Variants in CCDC149 observed in about 807,000 individuals in gnomAD.
CCDC149 encodes coiled-coil domain-containing protein 149.
Under a neutral mutation model 59.9 loss-of-function variants are expected in CCDC149, and 45 were observed. The observed-to-expected ratio is 0.75, with a 90% confidence interval of 0.59 to 0.96. The LOEUF (loss-of-function observed/expected upper bound fraction) is 0.96. Among genes scored for constraint, CCDC149 ranks in the 40% least tolerant of loss-of-function variants. The probability of loss-of-function intolerance (pLI) is 0.00; values close to 1 mark genes in which losing one functional copy is unlikely to be tolerated. For synonymous variants in CCDC149, 245 were observed against 260.6 expected (o/e 0.94, Z 0.58); for missense variants, 584 against 664.7 (o/e 0.88, Z 1.33).
chr4:24,970,265 C>T (rs945064763), intron 1 of CCDC149, among the ~76,000 whole-genome samples: 1 of 152,212 alleles, frequency 6.6e-6, no homozygotes, highest in Non-Finnish European at 1.5e-5. Flanking sequence ...GTTGGATCTG[C>T]ACCACCTTTC....
intron 4 of CCDC149, among the ~76,000 whole-genome samples, chr4:24,839,193 T>A (rs1049207441): frequency 1.3e-5 from 2 of 151,954 alleles, no homozygotes; most frequent in African/African-American, 4.8e-5. Context: ...TTTTTTTTTT[T>A]TTTTGAGACG....
chr4:24,971,439 G>T (rs1723965756), intron 1 of CCDC149, among the ~76,000 whole-genome samples: 2 of 152,236 alleles, frequency 1.3e-5, no homozygotes, highest in Admixed American at 6.5e-5. Flanking sequence ...GGTTAGGAGT[G>T]CAGGTGCACA....
intron 1 of CCDC149, among the ~76,000 whole-genome samples, chr4:24,930,316 C>T (rs1409419691): frequency 6.6e-6 from 1 of 152,224 alleles, no homozygotes; most frequent in Non-Finnish European, 1.5e-5. Flanking sequence ...CCTGAGTCAT[C>T]ACATGGAGGG....
At chr4:24,952,622 AAAAAATATATATATATATATATATATAT>A (rs1723341134) in intron 1 of CCDC149, among the ~76,000 whole-genome samples, 2 of 17,362 alleles carry the variant, frequency 1.2e-4, no homozygotes, top group Non-Finnish European at 2.2e-4. Flanking sequence ...AAAAAAAAAA[AAAAAATATATATATATATATATATATAT>A]ATATATATAT....
intron 1 of CCDC149, among the ~76,000 whole-genome samples, chr4:24,901,838 C>T (rs1489686470): frequency 1.3e-5 from 2 of 152,340 alleles, no homozygotes; most frequent in South Asian, 2.1e-4. Context: ...TCTATTCCAT[C>T]TCTCCAATCC....
chr4:24,963,112 A>G (rs1723690940), intron 1 of CCDC149, among the ~76,000 whole-genome samples: 1 of 152,162 alleles, frequency 6.6e-6, no homozygotes, highest in African/African-American at 2.4e-5. Context: ...AAACACCCAC[A>G]ATCAAGCAGG....
At chr4:24,900,334 G>A (rs1392348017) in intron 1 of CCDC149, among the ~76,000 whole-genome samples, 2 of 152,180 alleles carry the variant, frequency 1.3e-5, no homozygotes, top group African/African-American at 4.8e-5. Flanking sequence ...CCACTACAAT[G>A]GTGGCTCTCT....
At chr4:24,928,234 T>A (rs1474196051) in intron 1 of CCDC149, among the ~76,000 whole-genome samples, 1 of 152,214 alleles carries the variant, frequency 6.6e-6, no homozygotes, top group Non-Finnish European at 1.5e-5. Context: ...TATTCAGGGA[T>A]TACTGTGTGC....
At chr4:24,944,594 TG>T (rs1723051750) in intron 1 of CCDC149, among the ~76,000 whole-genome samples, 1 of 145,764 alleles carries the variant, frequency 6.9e-6, no homozygotes, top group African/African-American at 2.6e-5. Flanking sequence ...ATTCTGAAGG[TG>T]GGGTGGGAGG....
chr4:24,857,970 TAGA>T (rs1422418248), intron 3 of CCDC149, among the ~76,000 whole-genome samples: 2 of 152,158 alleles, frequency 1.3e-5, no homozygotes, highest in Non-Finnish European at 2.9e-5. Context: ...CTTTGAAAAC[TAGA>T]AAATGACTAT....
At chr4:24,849,496 C>T (rs1183164487) in intron 4 of CCDC149, among the ~76,000 whole-genome samples, 2 of 152,174 alleles carry the variant, frequency 1.3e-5, no homozygotes, top group African/African-American at 4.8e-5. Flanking sequence ...AGGCTCCCCC[C>T]ATCACAGGAC....
intron 1 of CCDC149, among the ~76,000 whole-genome samples, chr4:24,956,610 G>A (rs1028318484): frequency 1.3e-5 from 2 of 152,298 alleles, no homozygotes; most frequent in East Asian, 3.9e-4. Flanking sequence ...TACTATGGAT[G>A]CCACAGTAGG....
At chr4:24,856,445 T>C (rs1718014212) in intron 3 of CCDC149, among the ~76,000 whole-genome samples, 2 of 152,152 alleles carry the variant, frequency 1.3e-5, no homozygotes, top group Admixed American at 1.3e-4. Context: ...GCAAAGGGAA[T>C]AGAATGTGTT....
upstream of CCDC149, among the ~76,000 whole-genome samples, chr4:24,913,157 C>G (rs939457261): frequency 1.3e-5 from 2 of 151,828 alleles, no homozygotes; most frequent in Non-Finnish European, 2.9e-5. Context: ...TCGGGCTCCG[C>G]GCCTCCTGCC....
chr4:24,966,104 A>G (rs3951767), intron 1 of CCDC149, among the ~76,000 whole-genome samples: 114,855 of 152,072 alleles, frequency 0.76, 43,589 homozygotes, highest in African/African-American at 0.79. Flanking sequence ...GTTGGAACCT[A>G]ACAATTGGCA....
intron 1 of CCDC149, among the ~76,000 whole-genome samples, chr4:24,889,491 T>C (rs968729562): frequency 2.0e-5 from 3 of 152,184 alleles, no homozygotes; most frequent in Non-Finnish European, 4.4e-5. Flanking sequence ...TGTGTATATG[T>C]TCAGGATGAA....
chr4:24,857,741 A>G (rs923205755), intron 3 of CCDC149, among the ~76,000 whole-genome samples: 6 of 152,246 alleles, frequency 3.9e-5, no homozygotes, highest in African/African-American at 1.4e-4. Context: ...CATTAGCTGC[A>G]AAACAGTGGT....
intron 1 of CCDC149, among the ~76,000 whole-genome samples, chr4:24,889,498 T>C (rs1720403104): frequency 1.3e-5 from 2 of 152,190 alleles, no homozygotes; most frequent in Non-Finnish European, 2.9e-5. Flanking sequence ...ATGTTCAGGA[T>C]GAAGCACTAA....
intron 1 of CCDC149, among the ~76,000 whole-genome samples, chr4:24,926,155 C>A (rs1414858747): frequency 6.6e-6 from 1 of 152,164 alleles, no homozygotes; most frequent in Non-Finnish European, 1.5e-5. Context: ...AAGATGGTGC[C>A]TTTGCACTCC....
Sources: gnomAD v4.1 joint callset for allele counts (sites outside exome capture counted in the v4.1 genomes callset) on GRCh38, gnomAD v4.1.1 for gene constraint, MANE v1.5 for transcripts, NCBI Gene and HGNC (gene_info 2026-07-23, HGNC 2026-07-21) for gene names.